Variants in THAP4 observed in about 807,000 individuals in gnomAD.
The protein encoded by THAP4 is THAP domain containing 4.
THAP4 carries 18 observed loss-of-function variants against 48.1 expected under a neutral mutation model. That is an observed-to-expected ratio of 0.37 (90% CI 0.26 to 0.56). The LOEUF (loss-of-function observed/expected upper bound fraction) is 0.56. Ranked by LOEUF, THAP4 falls within the 20% of genes least tolerant of loss-of-function variation. The pLI is 0.78. For synonymous variants in THAP4, 345 were observed against 324.9 expected (o/e 1.06, Z -0.66); for missense variants, 656 against 774.9 (o/e 0.85, Z 1.82).
chr2:241,633,267 G>T lies in THAP4; in HGVS notation c.890C>A (p.Ser297Tyr). The stretch of plus-strand genomic sequence containing the variant: ...GGCAGGAGGGGCAGAGGGGCTCTGG[G>T]AAGGCTTCTGCGGTGTCGCGGTAAG... ...SSLTATPQKP[S>Y]QSPSAPPADV... The change falls in exon 2 of 6, where the codon TCC becomes TAC. Residue 297 changes from serine to tyrosine, a missense_variant. Around this residue, in one of 4 missense-constraint regions of THAP4, gnomAD observed 391 missense variants for 412.4 expected, o/e 0.95. Coordinates refer to ENST00000407315, the MANE Select transcript of THAP4 (RefSeq NM_015963.6). The surrounding 1 kb of genome is among the most constrained non-coding windows in gnomAD (Gnocchi z 7.5). 1 of 1,611,490 alleles carries T rather than the reference G, an allele frequency of 6.2e-7. No homozygotes were observed. Among genetic ancestry groups the T allele is most frequent in the Non-Finnish European group, 8.5e-7 (1 of 1,179,710 alleles).
At chr2:241,619,885 T>G (rs1363394260) in intron 2 of THAP4, among the ~76,000 whole-genome samples, 4 of 24,688 alleles carry the variant, frequency 1.6e-4, no homozygotes, top group Non-Finnish European at 2.3e-4. Flanking sequence ...GAGGGGTGAG[T>G]GAGGGGTGAG....
intron 5 of THAP4, among the ~76,000 whole-genome samples, chr2:241,600,106 G>A (rs1030089477): frequency 1.3e-5 from 2 of 152,192 alleles, no homozygotes; most frequent in African/African-American, 4.8e-5. Flanking sequence ...TGAGGCAGGA[G>A]AATCACCTGA....
chr2:241,614,617 G>C (rs2067315776), intron 2 of THAP4, among the ~76,000 whole-genome samples: 1 of 152,192 alleles, frequency 6.6e-6, no homozygotes, highest in South Asian at 2.1e-4. Context: ...CGGGCGCAGT[G>C]GCTCACGACT....
intron 5 of THAP4, among the ~76,000 whole-genome samples, chr2:241,587,268 C>T (rs749261723): frequency 6.6e-5 from 10 of 152,166 alleles, no homozygotes; most frequent in South Asian, 2.1e-4. Flanking sequence ...AAAGATAAGG[C>T]GAATATGTCC....
intron 5 of THAP4, among the ~76,000 whole-genome samples, chr2:241,590,809 A>G (rs76793754): frequency 0.034 from 984 of 28,782 alleles, no homozygotes; most frequent in Middle Eastern, 0.11. Flanking sequence ...GGCTGATGAT[A>G]ATGGGCACTA....
chr2:241,610,881 C>A lies in THAP4; in HGVS notation c.1241-4408G>T, dbSNP rs183433237. On this transcript the variant is annotated intron_variant, in intron 2 of 5. Transcript: ENST00000407315. The surrounding 1 kb of genome is among the most constrained non-coding windows in gnomAD (Gnocchi z 4.2). ...AGAGACACGGGGATGGGGCCAGAGA[C>A]GGGGCCAGAGACAGAGACACAGAAA... 4.6e-5 allele frequency among the ~76,000 whole-genome samples: 7 copies of A among 151,846 alleles called. No homozygotes were observed. In the South Asian group the frequency reaches 1.3e-3, roughly 28 times the overall value.
upstream of THAP4, chr2:241,637,467 C>A: frequency 6.9e-7 from 1 of 1,459,238 alleles, no homozygotes; most frequent in Non-Finnish European, 9.0e-7. Context: ...CACAGTGTCC[C>A]GTCGGACAGC....
chr2:241,637,030 C>T lies in THAP4; in HGVS notation c.-13G>A. On this transcript the variant is annotated 5_prime_UTR_variant, in exon 1 of 6. Transcript: ENST00000407315. Reference sequence around the variant, plus strand: ...AGCAGATCACCATCGCGGGCCTTGGCCCAGCCGCGCAGCCAGGCCCCGGCC... The same window carrying T: ...AGCAGATCACCATCGCGGGCCTTGGTCCAGCCGCGCAGCCAGGCCCCGGCC... 3 of 1,250,676 alleles carry T rather than the reference C, an allele frequency of 2.4e-6. No individual in the cohort carries two copies. Among genetic ancestry groups the T allele is most frequent in the South Asian group, 1.5e-5 (1 of 67,714 alleles). The allele number at this position is 1,250,676 out of a possible 1,614,324, so 77.5% of individuals were successfully genotyped here. A position where few individuals can be genotyped will look rare whatever the true frequency, so the allele number is the denominator to read the frequency against.
intron 5 of THAP4, among the ~76,000 whole-genome samples, chr2:241,596,016 C>T (rs1209617208): frequency 6.6e-6 from 1 of 152,216 alleles, no homozygotes. Context: ...CCTGTTTCCT[C>T]CAGACTCTGC....
intron 2 of THAP4, among the ~76,000 whole-genome samples, chr2:241,631,608 G>C (rs1444374774): frequency 6.6e-6 from 1 of 152,108 alleles, no homozygotes. Context: ...TGGGACCACA[G>C]GCGTGCACCA....
chr2:241,595,696 C>T (rs550068994), intron 5 of THAP4, among the ~76,000 whole-genome samples: 1 of 151,812 alleles, frequency 6.6e-6, no homozygotes, highest in African/African-American at 2.4e-5. Context: ...ATATGGCAAA[C>T]AAACATGGAC....
intron 2 of THAP4, among the ~76,000 whole-genome samples, chr2:241,626,057 C>T (rs1264506366): frequency 6.6e-6 from 1 of 151,944 alleles, no homozygotes; most frequent in South Asian, 2.1e-4. Flanking sequence ...TTAATAGGTG[C>T]AAAAAAATCA....
At chr2:241,615,986 C>T (rs1238369824) in intron 2 of THAP4, among the ~76,000 whole-genome samples, 2 of 152,206 alleles carry the variant, frequency 1.3e-5, no homozygotes, top group Non-Finnish European at 2.9e-5. Flanking sequence ...CATGGGGACA[C>T]ACTCTGCCCC....
At chr2:241,628,626 A>G (rs2067521405) in intron 2 of THAP4, among the ~76,000 whole-genome samples, 1 of 149,726 alleles carries the variant, frequency 6.7e-6, no homozygotes, top group East Asian at 2.0e-4. Context: ...GACTGCCACA[A>G]CAGTCACCAG....
intron 5 of THAP4, among the ~76,000 whole-genome samples, chr2:241,599,837 C>T (rs1305676360): frequency 1.3e-5 from 2 of 152,016 alleles, no homozygotes; most frequent in South Asian, 2.1e-4. Context: ...GGAAACGTTC[C>T]CTTAGACATT....
At chr2:241,600,343 G>C (rs1355551656) in intron 5 of THAP4, among the ~76,000 whole-genome samples, 7 of 152,204 alleles carry the variant, frequency 4.6e-5, no homozygotes, top group Non-Finnish European at 5.9e-5. Context: ...GGAAGAGTTA[G>C]AATTATACGC....
chr2:241,590,614 G>C (rs1217359320), intron 5 of THAP4, among the ~76,000 whole-genome samples: 1 of 145,560 alleles, frequency 6.9e-6, no homozygotes, highest in East Asian at 2.2e-4. Flanking sequence ...GGCTGATGAT[G>C]ATGGGCACTA....
At chr2:241,595,466 C>T (rs558805368) in intron 5 of THAP4, among the ~76,000 whole-genome samples, 2 of 152,076 alleles carry the variant, frequency 1.3e-5, no homozygotes, top group East Asian at 3.9e-4. Flanking sequence ...GGAGAAACCC[C>T]ATCTTTAATA....
chr2:241,628,447 TC>T (rs2067519341), intron 2 of THAP4, among the ~76,000 whole-genome samples: 2 of 151,638 alleles, frequency 1.3e-5, no homozygotes, highest in African/African-American at 4.8e-5. Flanking sequence ...CATCTCCTGC[TC>T]CTCCCCAAAA....
Sources: gnomAD v4.1 joint callset for allele counts (sites outside exome capture counted in the v4.1 genomes callset) on GRCh38, gnomAD v4.1.1 for gene constraint, gnomAD v4.1.1 regional missense constraint, Gnocchi (gnomAD v3.1) non-coding constraint, MANE v1.5 for transcripts, NCBI Gene and HGNC (gene_info 2026-07-23, HGNC 2026-07-21) for gene names.